RTN4RL1: variants seen among roughly 807,000 people sequenced by gnomAD.
RTN4RL1 encodes the protein reticulon 4 receptor like 1, also known as reticulon-4 receptor-like 1.
Under a neutral mutation model 25.6 loss-of-function variants are expected in RTN4RL1, and 7 were observed. The observed-to-expected ratio is 0.27, with a 90% CI of 0.16 to 0.51. RTN4RL1 has a LOEUF of 0.51. Ranked by LOEUF, RTN4RL1 falls within the 20% of genes least tolerant of loss-of-function variation. RTN4RL1 has a pLI of 0.97. For synonymous variants in RTN4RL1, 297 were observed against 288.2 expected (o/e 1.03, Z -0.31); for missense variants, 500 against 615.6 (o/e 0.81, Z 1.99).
At chr17:1,966,177 A>G (rs1293690586) in intron 1 of RTN4RL1, among the ~76,000 whole-genome samples, 5 of 152,054 alleles carry the variant, frequency 3.3e-5, no homozygotes, top group African/African-American at 9.7e-5. Flanking sequence ...TTACATTCCA[A>G]CTCGACGTGG....
chr17:1,964,600 C>T (rs567436538), intron 1 of RTN4RL1, among the ~76,000 whole-genome samples: 5 of 151,350 alleles, frequency 3.3e-5, no homozygotes, highest in South Asian at 2.1e-4. Context: ...GGCGTGGTGG[C>T]GGGCGCCTGT....
chr17:1,987,249 G>A (rs1286736336), intron 1 of RTN4RL1, among the ~76,000 whole-genome samples: 1 of 152,040 alleles, frequency 6.6e-6, no homozygotes, highest in East Asian at 1.9e-4. Context: ...CCACCTTCCG[G>A]AGTGGGCTCG....
At chr17:2,012,511 T>C (rs1192611409) in intron 1 of RTN4RL1, among the ~76,000 whole-genome samples, 1 of 152,192 alleles carries the variant, frequency 6.6e-6, no homozygotes, top group East Asian at 1.9e-4. Context: ...CTTCTCTGCA[T>C]CCTCCTCACT....
intron 1 of RTN4RL1, among the ~76,000 whole-genome samples, chr17:1,959,927 T>A (rs1008246553): frequency 1.8e-4 from 28 of 152,176 alleles, no homozygotes; most frequent in African/African-American, 6.8e-4. Flanking sequence ...GGCTCTAAAC[T>A]GCAGACCAGT....
chr17:1,980,944 A>G (rs892479757), intron 1 of RTN4RL1, among the ~76,000 whole-genome samples: 3 of 150,508 alleles, frequency 2.0e-5, no homozygotes, highest in African/African-American at 2.5e-5. Flanking sequence ...AAAAAAAAAA[A>G]AAGAAGTGGA....
chr17:2,015,764 C>G (rs1567529994), intron 1 of RTN4RL1, among the ~76,000 whole-genome samples: 1 of 146,138 alleles, frequency 6.8e-6, no homozygotes, highest in Non-Finnish European at 1.5e-5. Context: ...TTGATCCGGG[C>G]AGAGAGAGCC....
Position 1,937,087 on chromosome 17 carries a change from C to T in RTN4RL1, c.735G>A (p.Gly245=), listed in dbSNP as rs770932853. Residue 245 remains glycine, a synonymous_variant, in exon 2 of 2, where the codon GGG becomes GGA. Transcript: ENST00000331238. ...CGTTGAGGCGGAGGAACTCCAGGGC[C>T]CCCAGCGGGGCCAGGCACTCACCCT... The part of the protein sequence containing the change: ...ELQGECLAPL[G]ALEFLRLNGN... The T allele has an allele frequency of 1.9e-6, 3 of 1,606,624 alleles. No individual in the cohort carries two copies. Among genetic ancestry groups the T allele is most frequent in the Non-Finnish European group, 2.5e-6 (3 of 1,177,652 alleles).
chr17:2,021,509 T>C (rs2067201123), intron 1 of RTN4RL1, among the ~76,000 whole-genome samples: 1 of 150,678 alleles, frequency 6.6e-6, no homozygotes, highest in South Asian at 2.1e-4. Flanking sequence ...CTGCATATTA[T>C]AGGCAAGAAA....
At chr17:1,966,712 G>A (rs1193875690) in intron 1 of RTN4RL1, among the ~76,000 whole-genome samples, 2 of 152,176 alleles carry the variant, frequency 1.3e-5, no homozygotes, top group African/African-American at 4.8e-5. Context: ...AGAGGACACA[G>A]AGATCCTCTG....
At chr17:2,013,631 C>CTTGGGGTTTGATAGCTT (rs1567528138) in intron 1 of RTN4RL1, among the ~76,000 whole-genome samples, 24 of 136,016 alleles carry the variant, frequency 1.8e-4, no homozygotes, top group African/African-American at 5.7e-4. Context: ...CTCCCTCACC[C>CTTGGGGTTTGATAGCTT]TGGAACATAA....
At chr17:1,963,903 T>A (rs1436725093) in intron 1 of RTN4RL1, among the ~76,000 whole-genome samples, 3 of 152,112 alleles carry the variant, frequency 2.0e-5, no homozygotes, top group Non-Finnish European at 1.5e-5. Flanking sequence ...CATTTTGCAT[T>A]TTTAGTAGAG....
chr17:1,943,400 G>T (rs963845486), intron 1 of RTN4RL1, among the ~76,000 whole-genome samples: 1 of 152,220 alleles, frequency 6.6e-6, no homozygotes, highest in African/African-American at 2.4e-5. Flanking sequence ...AGCACCGAAG[G>T]GACTGCCCCT....
At chr17:2,006,430 G>C (rs560896263) in intron 1 of RTN4RL1, among the ~76,000 whole-genome samples, 2 of 152,168 alleles carry the variant, frequency 1.3e-5, no homozygotes, top group Non-Finnish European at 2.9e-5. Context: ...CAAAGTGCTG[G>C]GATTACAGGC....
intron 1 of RTN4RL1, among the ~76,000 whole-genome samples, chr17:1,957,874 GAACA>G (rs35067383): frequency 1.5e-4 from 23 of 148,506 alleles, no homozygotes; most frequent in East Asian, 1.2e-3. Context: ...ACAAACAAAC[GAACA>G]AACAAACAAA....
At chr17:1,962,117 T>TA (rs71150837) in intron 1 of RTN4RL1, among the ~76,000 whole-genome samples, 157 of 141,768 alleles carry the variant, frequency 1.1e-3, no homozygotes, top group East Asian at 5.7e-3. Flanking sequence ...CCCTATCTCT[T>TA]AAAAAAAAAA....
chr17:1,976,567 T>A (rs1188380454), intron 1 of RTN4RL1, among the ~76,000 whole-genome samples: 1 of 152,230 alleles, frequency 6.6e-6, no homozygotes, highest in East Asian at 1.9e-4. Flanking sequence ...ATTGGCCTCC[T>A]TGAGCCTCAG....
At chr17:1,986,427 GA>G (rs1037473155) in intron 1 of RTN4RL1, among the ~76,000 whole-genome samples, 10 of 152,128 alleles carry the variant, frequency 6.6e-5, no homozygotes, top group African/African-American at 2.4e-4. Flanking sequence ...ACCTTATTTG[GA>G]AAAAGGCGTC....
intron 1 of RTN4RL1, among the ~76,000 whole-genome samples, chr17:1,945,526 T>A (rs976347727): frequency 2.0e-5 from 3 of 151,898 alleles, no homozygotes; most frequent in Admixed American, 1.3e-4. Flanking sequence ...AGTCTTTTTT[T>A]AAAAAATAGA....
intron 1 of RTN4RL1, among the ~76,000 whole-genome samples, chr17:1,982,931 G>C (rs2066873650): frequency 6.6e-6 from 1 of 152,208 alleles, no homozygotes; most frequent in South Asian, 2.1e-4. Flanking sequence ...TGAAGGGCTG[G>C]GTTTTCCCCA....
Sources: allele counts gnomAD v4.1 joint callset (sites outside exome capture counted in the v4.1 genomes callset), GRCh38; gene constraint gnomAD v4.1.1; transcripts MANE v1.5; gene names NCBI Gene and HGNC (gene_info 2026-07-23, HGNC 2026-07-21).